The following ANKS1B variants were observed in gnomAD, a reference collection of about 807,000 sequenced individuals.
ANKS1B encodes the protein ankyrin repeat and sterile alpha motif domain-containing protein 1B.
Under a neutral mutation model 148.3 loss-of-function variants are expected in ANKS1B, and 36 were observed. The ratio of observed to expected loss-of-function variants is 0.24; its 90% CI spans 0.19 to 0.32. The LOEUF is 0.32. Ranked by LOEUF, ANKS1B falls within the 10% of genes least tolerant of loss-of-function variation. The pLI, the probability that ANKS1B is intolerant of heterozygous loss-of-function variation, is 1.00. For missense variants in ANKS1B, 1,157 were observed against 1,542.6 expected (o/e 0.75, Z 4.19); for synonymous variants, 542 against 560.8 (o/e 0.97, Z 0.47).
chr12:99,962,915 G>A lies in ANKS1B; in HGVS notation c.134+21189C>T, dbSNP rs184715365. Among the ~76,000 whole-genome samples, 95 of 149,016 alleles carry A rather than the reference G, an allele frequency of 6.4e-4. 1 individual carries two copies. The highest frequency in any genetic ancestry group is 2.3e-3 in the African/African-American group (92 of 40,580). ...TGCCGGCTCCGCCTCCCGGGCTCACGCCATTCTCCTGCCTCAGCCTCCGGA... is the reference window on the plus strand; with the variant it reads ...TGCCGGCTCCGCCTCCCGGGCTCACACCATTCTCCTGCCTCAGCCTCCGGA... On this transcript the variant is annotated intron_variant, in intron 1 of 26. Coordinates refer to ENST00000683438, the MANE Select transcript of ANKS1B (RefSeq NM_001352186.2).
At chr12:99,395,914 A>G (rs1036422161) in intron 12 of ANKS1B, among the ~76,000 whole-genome samples, 4 of 152,172 alleles carry the variant, frequency 2.6e-5, no homozygotes, top group African/African-American at 9.6e-5. Context: ...AATGAAATGT[A>G]GATTAATCAG....
chr12:98,917,254 C>A (rs1403850069), intron 17 of ANKS1B, among the ~76,000 whole-genome samples: 3 of 152,196 alleles, frequency 2.0e-5, no homozygotes, highest in African/African-American at 7.2e-5. Flanking sequence ...GGTTAAGCAA[C>A]TTTCTCAATG....
intron 12 of ANKS1B, among the ~76,000 whole-genome samples, chr12:99,317,484 G>A (rs1181752789): frequency 6.6e-6 from 1 of 152,120 alleles, no homozygotes; most frequent in African/African-American, 2.4e-5. Context: ...TTGGTGTATA[G>A]GAATGCTGTG....
intron 4 of ANKS1B, among the ~76,000 whole-genome samples, chr12:99,804,071 G>T (rs2067296729): frequency 6.6e-6 from 1 of 152,138 alleles, no homozygotes; most frequent in African/African-American, 2.4e-5. Flanking sequence ...TTTCCCTTCT[G>T]GTCATGTCAT....
Position 99,984,521 on chromosome 12 carries a change from C to G in ANKS1B, c.-284G>C, listed in dbSNP as rs2095752324. ...CCACTCCCCTGAATTCCCAAGGCCT[C>G]GTTCCCGCGGGTGCGGCGTGAGGGG... On this transcript the variant is annotated 5_prime_UTR_variant, in exon 1 of 27. Transcript: ENST00000683438. The G allele has an allele frequency of 2.0e-5, 7 of 344,338 alleles. No homozygotes were observed. In the East Asian group the frequency reaches 2.8e-4, roughly 14 times the overall value. The allele number at this position is 344,338 out of a possible 1,614,324, so 21.3% of individuals were successfully genotyped here.
chr12:99,387,743 C>T (rs1162258524), intron 12 of ANKS1B, among the ~76,000 whole-genome samples: 1 of 151,354 alleles, frequency 6.6e-6, no homozygotes, highest in Admixed American at 6.6e-5. Context: ...GTGTGGCCTC[C>T]CCAGCTTCTG....
At chr12:99,168,908 A>G (rs1053617566) in intron 14 of ANKS1B, among the ~76,000 whole-genome samples, 4 of 152,250 alleles carry the variant, frequency 2.6e-5, no homozygotes, top group Admixed American at 6.5e-5. Context: ...TCATAACTGC[A>G]TTAAAATAAA....
At chr12:99,360,314 A>G (rs746088180) in intron 12 of ANKS1B, among the ~76,000 whole-genome samples, 1 of 152,166 alleles carries the variant, frequency 6.6e-6, no homozygotes, top group Non-Finnish European at 1.5e-5. Context: ...CAAAGTCCTT[A>G]CTACCTCTAA....
At chr12:98,950,233 A>ATGCC (rs1306289524) in intron 17 of ANKS1B, among the ~76,000 whole-genome samples, 6 of 152,330 alleles carry the variant, frequency 3.9e-5, no homozygotes, top group African/African-American at 1.4e-4. Flanking sequence ...ATAGTGGCTC[A>ATGCC]TGCCTGTAAT....
intron 1 of ANKS1B, among the ~76,000 whole-genome samples, chr12:99,854,757 A>C (rs2088680476): frequency 6.6e-6 from 1 of 152,204 alleles, no homozygotes; most frequent in African/African-American, 2.4e-5. Flanking sequence ...CTCCTTAATC[A>C]AAACAATTAA....
intron 25 of ANKS1B, among the ~76,000 whole-genome samples, chr12:98,760,641 A>G (rs1171525954): frequency 1.3e-5 from 2 of 152,158 alleles, no homozygotes; most frequent in Non-Finnish European, 2.9e-5. Flanking sequence ...TTGGCAAAGA[A>G]TCTTGTTTAG....
intron 1 of ANKS1B, among the ~76,000 whole-genome samples, chr12:99,891,520 C>A (rs1265789398): frequency 1.3e-5 from 2 of 151,872 alleles, no homozygotes; most frequent in African/African-American, 4.8e-5. Context: ...ATGCCCGGCC[C>A]TCGTTGTGAT....
At chr12:98,851,736 G>A (rs1221377421) in intron 17 of ANKS1B, among the ~76,000 whole-genome samples, 1 of 152,010 alleles carries the variant, frequency 6.6e-6, no homozygotes, top group Admixed American at 6.6e-5. Context: ...AACCAACCAA[G>A]GTTTTAAAGA....
intron 10 of ANKS1B, among the ~76,000 whole-genome samples, chr12:99,448,557 G>A (rs1352211323): frequency 1.3e-5 from 2 of 151,922 alleles, no homozygotes; most frequent in African/African-American, 4.8e-5. Flanking sequence ...TAAAAGAGTA[G>A]ATCTTAAGAG....
chr12:99,476,069 A>G (rs1400268469), intron 10 of ANKS1B, among the ~76,000 whole-genome samples: 1 of 152,182 alleles, frequency 6.6e-6, no homozygotes, highest in Non-Finnish European at 1.5e-5. Context: ...CCTAGAAGAA[A>G]GAAAGAAAAA....
intron 25 of ANKS1B, 94 bp downstream of exon 25, chr12:98,772,948 C>A: frequency 2.8e-6 from 4 of 1,428,792 alleles, no homozygotes; most frequent in Non-Finnish European, 2.9e-6. Context: ...GGTAAACAAG[C>A]CAAGCTAGTG....
At chr12:99,597,704 C>G (rs1216244186) in intron 9 of ANKS1B, among the ~76,000 whole-genome samples, 1 of 151,978 alleles carries the variant, frequency 6.6e-6, no homozygotes, top group Non-Finnish European at 1.5e-5. Flanking sequence ...ATCAGTTAAT[C>G]CTATATCAAA....
chr12:98,746,379 G>A (rs976477397), intron 26 of ANKS1B, among the ~76,000 whole-genome samples: 1 of 152,082 alleles, frequency 6.6e-6, no homozygotes, highest in Non-Finnish European at 1.5e-5. Context: ...GGGCCTCTGC[G>A]CTCATCATCT....
intron 16 of ANKS1B, among the ~76,000 whole-genome samples, chr12:99,074,337 A>C: frequency 6.6e-6 from 1 of 152,212 alleles, no homozygotes; most frequent in South Asian, 2.1e-4. Flanking sequence ...CTTAAAAAAA[A>C]AAAAAACACT....
Sources: gnomAD v4.1 joint callset for allele counts (sites outside exome capture counted in the v4.1 genomes callset) on GRCh38, gnomAD v4.1.1 for gene constraint, MANE v1.5 for transcripts, NCBI Gene and HGNC (gene_info 2026-07-23, HGNC 2026-07-21) for gene names.